The following LSAMP variants were observed in gnomAD, a reference collection of about 807,000 sequenced individuals.
The protein encoded by LSAMP is limbic system associated membrane protein.
Under a neutral mutation model 38.6 loss-of-function variants are expected in LSAMP, and 7 were observed. That is an observed-to-expected ratio of 0.18 (90% CI 0.10 to 0.34). LSAMP has a LOEUF of 0.34. LSAMP is among the 10% of genes least tolerant of loss of function. The pLI is 1.00. For synonymous variants in LSAMP, 154 were observed against 166.8 expected, an observed-to-expected ratio of 0.92 and a Z score of 0.59; for missense variants, 313 against 420.0, an observed-to-expected ratio of 0.75 and a Z score of 2.23.
intron 1 of LSAMP, among the ~76,000 whole-genome samples, chr3:116,215,281 T>G (rs2046206208): frequency 6.6e-6 from 1 of 152,192 alleles, no homozygotes; most frequent in Non-Finnish European, 1.5e-5. Flanking sequence ...TAGCTGGTCT[T>G]TGGTCACTCA....
chr3:116,309,392 G>A (rs1013043905), intron 1 of LSAMP, among the ~76,000 whole-genome samples: 3 of 152,066 alleles, frequency 2.0e-5, no homozygotes, highest in Non-Finnish European at 4.4e-5. Context: ...TATAGTAACC[G>A]TGAGCTATGT....
rs141920543 is a variant in LSAMP at position 116,102,532 on chromosome 3, A to G, written c.156-15976T>C. Among the ~76,000 whole-genome samples, 24 of 152,348 alleles carry G rather than the reference A, an allele frequency of 1.6e-4. 1 individual carries two copies. Among genetic ancestry groups the G allele is most frequent in the African/African-American group, 5.3e-4 (22 of 41,576 alleles). Reference sequence around the variant, plus strand: ...TGAGAAAGCAGATTGATCTTCCCAAATGTGGGTAGGCCTCACCTAATCCAT... The same window carrying G: ...TGAGAAAGCAGATTGATCTTCCCAAGTGTGGGTAGGCCTCACCTAATCCAT... On this transcript the variant is annotated intron_variant, in intron 1 of 6. Transcript: ENST00000490035.
At chr3:115,946,440 A>C (rs75330167) in intron 3 of LSAMP, among the ~76,000 whole-genome samples, 7,399 of 152,254 alleles carry the variant, frequency 0.049, 539 homozygotes, top group African/African-American at 0.16. Context: ...CAAGATGTCT[A>C]TGTGAGGGCA....
At chr3:115,878,380 A>G (rs1335768859) in intron 3 of LSAMP, among the ~76,000 whole-genome samples, 1 of 151,784 alleles carries the variant, frequency 6.6e-6, no homozygotes, top group Non-Finnish European at 1.5e-5. Context: ...CAAGGAAGAG[A>G]TAAGAAAACG....
chr3:116,200,852 T>C (rs1417859993), intron 1 of LSAMP, among the ~76,000 whole-genome samples: 1 of 152,242 alleles, frequency 6.6e-6, no homozygotes, highest in East Asian at 1.9e-4. Flanking sequence ...TCTTGTTCTC[T>C]TCTATTTGTA....
Position 116,318,071 on chromosome 3 carries a change from G to A in LSAMP, c.155+126806C>T, listed in dbSNP as rs560518616. On this transcript the variant is annotated intron_variant, in intron 1 of 6. Transcript: ENST00000490035. ...AAATTGCTTGAACCCTGGAGGCGGAGGTTGCAGTGAGCCAAGATCGTGCCA... is the reference window on the plus strand; with the variant it reads ...AAATTGCTTGAACCCTGGAGGCGGAAGTTGCAGTGAGCCAAGATCGTGCCA... 2.0e-5 allele frequency among the ~76,000 whole-genome samples: 3 copies of A among 148,822 alleles called. No individual in the cohort carries two copies. In the South Asian group the frequency reaches 6.4e-4, roughly 32 times the overall value.
intron 1 of LSAMP, among the ~76,000 whole-genome samples, chr3:116,391,584 G>A (rs2048698660): frequency 6.7e-6 from 1 of 150,086 alleles, no homozygotes; most frequent in Admixed American, 6.7e-5. Flanking sequence ...AGGAAGCAGG[G>A]CGCGGGGGTG....
chr3:116,219,382 TG>T (rs1305469564), intron 1 of LSAMP, among the ~76,000 whole-genome samples: 1 of 152,226 alleles, frequency 6.6e-6, no homozygotes, highest in Non-Finnish European at 1.5e-5. Context: ...TTCTACAGCT[TG>T]GGTATTGTGA....
At position 115,887,315 on chromosome 3, in the gene LSAMP, T is replaced by C. The variant is rs115256794; in HGVS notation, c.515-34698A>G. Among the ~76,000 whole-genome samples the C allele has an allele frequency of 5.1e-3, 768 of 152,030 alleles. 11 individuals are homozygous for C. Among genetic ancestry groups the C allele is most frequent in the African/African-American group, 0.018 (748 of 41,520 alleles). ...TCATTTTATAATTTTATTATGTCTATGTATTTATGCATATGTAAGAACAGC... is the reference window on the plus strand; with the variant it reads ...TCATTTTATAATTTTATTATGTCTACGTATTTATGCATATGTAAGAACAGC... On this transcript the variant is annotated intron_variant, in intron 3 of 6. Coordinates refer to ENST00000490035, the MANE Select transcript of LSAMP (RefSeq NM_002338.5).
At chr3:115,818,555 A>G (rs1429682895) in intron 6 of LSAMP, among the ~76,000 whole-genome samples, 3 of 151,668 alleles carry the variant, frequency 2.0e-5, no homozygotes, top group Non-Finnish European at 4.4e-5. Context: ...TATGAATTAG[A>G]TCAATTAATC....
chr3:116,335,581 CTT>C (rs1168936502), intron 1 of LSAMP, among the ~76,000 whole-genome samples: 1 of 151,968 alleles, frequency 6.6e-6, no homozygotes, highest in East Asian at 1.9e-4. Context: ...TGTCCTTTAA[CTT>C]ATGGTGGGCA....
intron 3 of LSAMP, among the ~76,000 whole-genome samples, chr3:115,966,022 T>C (rs1420448503): frequency 2.0e-5 from 3 of 152,196 alleles, no homozygotes; most frequent in Non-Finnish European, 4.4e-5. Context: ...GTTAGCTGGC[T>C]CCATGGCAAA....
intron 1 of LSAMP, among the ~76,000 whole-genome samples, chr3:116,359,281 T>C (rs1406167347): frequency 6.6e-6 from 1 of 152,214 alleles, no homozygotes; most frequent in Admixed American, 6.5e-5. Flanking sequence ...TGAAAAAATA[T>C]AAGTTTTGTA....
At chr3:116,367,566 G>A (rs2048370963) in intron 1 of LSAMP, among the ~76,000 whole-genome samples, 1 of 148,462 alleles carries the variant, frequency 6.7e-6, no homozygotes, top group Admixed American at 6.8e-5. Flanking sequence ...GTGCAGTGGT[G>A]CAATCTCAGC....
In LSAMP at chr3:115,911,961, T is replaced by A. The variant is rs377642265; in HGVS notation, c.515-59344A>T. ...GATGTTAAACATCTTTTACTTAACA[T>A]CTATATAACCTCGTCAGTGAAATGG... is the stretch of plus-strand genomic sequence containing the variant. On this transcript the variant is annotated intron_variant, in intron 3 of 6. Coordinates refer to ENST00000490035, the MANE Select transcript of LSAMP (RefSeq NM_002338.5). Among the ~76,000 whole-genome samples, 4 of 152,328 alleles carry A rather than the reference T, an allele frequency of 2.6e-5. No homozygotes were observed. In the East Asian group the frequency reaches 5.8e-4, roughly 22 times the overall value.
chr3:116,334,270 A>T (rs968755544), intron 1 of LSAMP, among the ~76,000 whole-genome samples: 1 of 152,124 alleles, frequency 6.6e-6, no homozygotes, highest in African/African-American at 2.4e-5. Context: ...TCTAAGAAAT[A>T]AAAACCCTGA....
At chr3:116,278,308 A>G (rs1019714434) in intron 1 of LSAMP, among the ~76,000 whole-genome samples, 6 of 152,138 alleles carry the variant, frequency 3.9e-5, no homozygotes, top group Non-Finnish European at 8.8e-5. Context: ...TTCGGCTCCT[A>G]GATTATATAT....
intron 3 of LSAMP, among the ~76,000 whole-genome samples, chr3:115,909,536 G>A (rs1434284980): frequency 3.9e-5 from 6 of 152,100 alleles, no homozygotes; most frequent in East Asian, 1.9e-4. Flanking sequence ...TCCAATCCCC[G>A]TCCAGTACAT....
chr3:116,016,860 G>T (rs892808644), intron 3 of LSAMP, among the ~76,000 whole-genome samples: 1 of 152,074 alleles, frequency 6.6e-6, no homozygotes, highest in Middle Eastern at 3.4e-3. Flanking sequence ...TCACTTGCAG[G>T]CAGTACATAA....
Sources: allele counts gnomAD v4.1 joint callset (sites outside exome capture counted in the v4.1 genomes callset), GRCh38; gene constraint gnomAD v4.1.1; transcripts MANE v1.5; gene names NCBI Gene and HGNC (gene_info 2026-07-23, HGNC 2026-07-21).